Variants in PKHD1 observed in about 807,000 individuals in gnomAD.
PKHD1 encodes the protein PKHD1 ciliary IPT domain containing fibrocystin/polyductin, also known as fibrocystin.
A neutral mutation model predicts 412.0 loss-of-function variants in PKHD1; 291 were observed. The observed-to-expected ratio is 0.71, with a 90% CI of 0.64 to 0.78. The LOEUF (loss-of-function observed/expected upper bound fraction) is 0.78. Among genes scored for constraint, PKHD1 ranks in the 30% least tolerant of loss-of-function variants. The probability of loss-of-function intolerance (pLI) is 0.00; values close to 1 mark genes in which losing one functional copy is unlikely to be tolerated. For missense variants in PKHD1, 4,825 were observed against 4,950.7 expected, an observed-to-expected ratio of 0.97 and a Z score of 0.76; for synonymous variants, 1,777 against 1,821.5, an observed-to-expected ratio of 0.98 and a Z score of 0.62.
At position 51,898,358 on chromosome 6, in the gene PKHD1, T is replaced by A. The variant is rs1166460881; in HGVS notation, c.6996+5239A>T. Among the ~76,000 whole-genome samples, 7 of 147,598 alleles carry A rather than the reference T, an allele frequency of 4.7e-5. No homozygotes were observed. In the East Asian group the frequency reaches 1.4e-3, roughly 30 times the overall value. Reference sequence around the variant, plus strand: ...TCAAACTAGAACTCAGGATTAAGAATCTCACTCAAAACCACTCAACTACAT... The same window carrying A: ...TCAAACTAGAACTCAGGATTAAGAAACTCACTCAAAACCACTCAACTACAT... On this transcript the variant is annotated intron_variant, in intron 43 of 66. Transcript: ENST00000371117.
chr6:51,638,973 A>G lies in PKHD1; in HGVS notation c.11399-17T>C, dbSNP rs200516431. On this transcript the variant is annotated splice_polypyrimidine_tract_variant and intron_variant, in intron 63 of 66. Coordinates refer to ENST00000371117, the MANE Select transcript of PKHD1 (RefSeq NM_138694.4). ...GGGTGCACCCTACAAAAAAGTACAA[A>G]ACAAAAATTAGCTGTTTATTATCTA... 12 of 1,529,400 alleles carry G rather than the reference A, an allele frequency of 7.8e-6. No homozygotes were observed. Among genetic ancestry groups the G allele is most frequent in the Non-Finnish European group, 1.1e-5 (12 of 1,102,542 alleles). The allele number at this position is 1,529,400 out of a possible 1,614,324, so 94.7% of individuals were successfully genotyped here.
At chr6:51,933,723 C>G (rs949011188) in intron 37 of PKHD1, among the ~76,000 whole-genome samples, 18 of 152,318 alleles carry the variant, frequency 1.2e-4, no homozygotes, top group African/African-American at 3.8e-4. Context: ...GCTAAAGCAT[C>G]GTAACAGGTC....
At chr6:51,671,864 G>A (rs957950060) in intron 60 of PKHD1, among the ~76,000 whole-genome samples, 1 of 152,136 alleles carries the variant, frequency 6.6e-6, no homozygotes, top group Non-Finnish European at 1.5e-5. Flanking sequence ...CTGCTCGGGG[G>A]TCAGGGGTCA....
intron 60 of PKHD1, among the ~76,000 whole-genome samples, chr6:51,702,117 C>G (rs1779473242): frequency 1.7e-5 from 2 of 114,342 alleles, no homozygotes; most frequent in African/African-American, 6.2e-5. Flanking sequence ...GCCCAAATGC[C>G]CATCAATCGA....
chr6:52,025,019 G>A lies in PKHD1; in HGVS notation c.4791C>T (p.Gly1597=). ...CTGACGTGGTGTTCTGTCCTCTCAG[G>A]CCTGTGCCCTCTATGGTCAAGAGGC... ...GGSLLTIEGT[G]LRGQNTTSVY... is the part of the protein sequence containing the mutation. Residue 1597 remains glycine, a synonymous_variant, in exon 32 of 67, where the codon GGC becomes GGT. Transcript: ENST00000371117. 6.2e-7 allele frequency: 1 copy of A among 1,614,156 alleles called. No individual in the cohort carries two copies. Among genetic ancestry groups the A allele is most frequent in the Non-Finnish European group, 8.5e-7 (1 of 1,180,010 alleles).
At position 51,935,624 on chromosome 6, in the gene PKHD1, C is replaced by T. The variant is rs560152125; in HGVS notation, c.5909-1302G>A. Among the ~76,000 whole-genome samples, 112 of 152,290 alleles carry T rather than the reference C, an allele frequency of 7.4e-4. 1 individual carries two copies. Among genetic ancestry groups the T allele is most frequent in the African/African-American group, 2.6e-3 (106 of 41,568 alleles). On this transcript the variant is annotated intron_variant, in intron 36 of 66. Transcript: ENST00000371117. ...CTCAGAATAGAAGTCAAAGTCCTTA[C>T]ATTGGGCTACAAAAGGTCCCTCATG...
intron 28 of PKHD1, among the ~76,000 whole-genome samples, chr6:52,034,321 G>C (rs756922678): frequency 2.1e-5 from 3 of 144,686 alleles, no homozygotes; most frequent in African/African-American, 5.1e-5. Context: ...AGAATTAAAA[G>C]TTGTTTCAGG....
At chr6:52,010,188 T>C (rs1397759286) in intron 35 of PKHD1, 121 bp downstream of exon 35, 5 of 820,070 alleles carry the variant, frequency 6.1e-6, no homozygotes, top group Non-Finnish European at 6.1e-6. Flanking sequence ...TTCTCAAAGT[T>C]TGAGCACATT....
At chr6:51,843,401 C>T (rs1160262257) in intron 50 of PKHD1, among the ~76,000 whole-genome samples, 1 of 152,146 alleles carries the variant, frequency 6.6e-6, no homozygotes, top group Non-Finnish European at 1.5e-5. Flanking sequence ...AGCTTGTAAA[C>T]CAGATTAATT....
chr6:51,886,117 G>A, intron 44 of PKHD1, 145 bp from the exon 45 acceptor site: 1 of 693,352 alleles, frequency 1.4e-6, no homozygotes, highest in South Asian at 1.6e-5. Flanking sequence ...AACTGTTCTT[G>A]CCTACCCCTC....
chr6:51,895,359 A>C (rs527665111), intron 43 of PKHD1, among the ~76,000 whole-genome samples: 2 of 152,354 alleles, frequency 1.3e-5, no homozygotes, highest in East Asian at 3.9e-4. Context: ...AGACTGAATA[A>C]CAGAAAGCCA....
chr6:51,964,833 T>C (rs1292325859), intron 35 of PKHD1, among the ~76,000 whole-genome samples: 1 of 152,158 alleles, frequency 6.6e-6, no homozygotes, highest in East Asian at 1.9e-4. Flanking sequence ...TGAAACATCC[T>C]CTTTCACCCT....
At chr6:51,730,479 G>A (rs193065358) in intron 60 of PKHD1, among the ~76,000 whole-genome samples, 1 of 152,176 alleles carries the variant, frequency 6.6e-6, no homozygotes, top group Admixed American at 6.5e-5. Flanking sequence ...AATTTAAAAT[G>A]CTATTTTTGT....
At chr6:51,680,894 A>G (rs984924937) in intron 60 of PKHD1, among the ~76,000 whole-genome samples, 9 of 152,068 alleles carry the variant, frequency 5.9e-5, no homozygotes, top group African/African-American at 2.2e-4. Flanking sequence ...GAGGGTAAAA[A>G]AAAACATATG....
intron 43 of PKHD1, among the ~76,000 whole-genome samples, chr6:51,891,738 C>A (rs1036659554): frequency 6.6e-6 from 1 of 151,870 alleles, no homozygotes; most frequent in Non-Finnish European, 1.5e-5. Context: ...CACACACACA[C>A]ACACACACAC....
chr6:51,758,744 A>C (rs952542086), intron 55 of PKHD1, among the ~76,000 whole-genome samples: 3 of 152,198 alleles, frequency 2.0e-5, no homozygotes, highest in African/African-American at 7.2e-5. Context: ...ACAAAATATC[A>C]GTACAGTTTC....
rs140731373 is a variant in PKHD1, at chr6:51,692,572, T to G, written c.10157-32603A>C. 5.9e-5 allele frequency among the ~76,000 whole-genome samples: 9 copies of G among 152,320 alleles called. No homozygotes were observed. The East Asian group carries it at 1.7e-3, about 29-fold the overall frequency. ...TCCCTAGGTATAGTTTCTACACAAGTGACCTTGTCCCAGTCTACTCCTCCT... is the reference window on the plus strand; with the variant it reads ...TCCCTAGGTATAGTTTCTACACAAGGGACCTTGTCCCAGTCTACTCCTCCT... On this transcript the variant is annotated intron_variant, in intron 60 of 66. Coordinates refer to ENST00000371117, the MANE Select transcript of PKHD1 (RefSeq NM_138694.4).
In PKHD1 at chr6:51,633,737, T is replaced by A. The variant is rs1768206847; in HGVS notation, c.11507-1014A>T. 1.3e-5 allele frequency among the ~76,000 whole-genome samples: 2 copies of A among 152,234 alleles called. 1 individual carries two copies. The highest frequency in any genetic ancestry group is 4.1e-4 in the South Asian group (2 of 4,824). On this transcript the variant is annotated intron_variant, in intron 64 of 66. Coordinates refer to ENST00000371117, the MANE Select transcript of PKHD1 (RefSeq NM_138694.4). ...CAGATCAGTGGTTGCCAACGATGAATGGTGGAGAAAGGCTACATGTATGTG... is the reference window on the plus strand; with the variant it reads ...CAGATCAGTGGTTGCCAACGATGAAAGGTGGAGAAAGGCTACATGTATGTG...
At chr6:51,720,131 A>AT (rs2150817677) in intron 60 of PKHD1, among the ~76,000 whole-genome samples, 1 of 152,294 alleles carries the variant, frequency 6.6e-6, no homozygotes, top group East Asian at 1.9e-4. Flanking sequence ...CTTGTGTGAA[A>AT]TATTTTCAAA....
Sources: allele counts gnomAD v4.1 joint callset (sites outside exome capture counted in the v4.1 genomes callset), GRCh38; gene constraint gnomAD v4.1.1; transcripts MANE v1.5; gene names NCBI Gene and HGNC (gene_info 2026-07-23, HGNC 2026-07-21).